BCAS4: variants seen among roughly 807,000 people sequenced by gnomAD.
The protein encoded by BCAS4 is breast carcinoma-amplified sequence 4.
A neutral mutation model predicts 15.7 loss-of-function variants in BCAS4; 9 were observed. That is an observed-to-expected ratio of 0.57 (90% confidence interval 0.34 to 1.00). BCAS4 has a LOEUF of 1.00. Ranked by LOEUF, BCAS4 falls within the 50% of genes least tolerant of loss-of-function variation. The pLI, the probability that BCAS4 is intolerant of heterozygous loss-of-function variation, is 0.02. For synonymous variants in BCAS4, 101 were observed against 99.5 expected (o/e 1.02, Z -0.09); for missense variants, 225 against 239.1 (o/e 0.94, Z 0.39).
intron 1 of BCAS4, among the ~76,000 whole-genome samples, chr20:50,797,699 CTT>C (rs1299660205): frequency 6.6e-6 from 1 of 152,052 alleles, no homozygotes; most frequent in Non-Finnish European, 1.5e-5. Flanking sequence ...GAGTTTCACT[CTT>C]GTTGCCCAGG....
rs2088138172 is a variant in BCAS4 at position 50,816,409 on chromosome 20, C to G, written c.91-1802C>G. On this transcript the variant is annotated intron_variant, in intron 1 of 4. Transcript: ENST00000371608. ...AGGCCCTCTGCACGTTCGTTATTGGCTTAATTTGTGAAGCATTAAAGGGTT... is the reference window on the plus strand; with the variant it reads ...AGGCCCTCTGCACGTTCGTTATTGGGTTAATTTGTGAAGCATTAAAGGGTT... 2.0e-5 allele frequency among the ~76,000 whole-genome samples: 3 copies of G among 152,228 alleles called. No homozygotes were observed. In the South Asian group the frequency reaches 6.2e-4, roughly 32 times the overall value.
chr20:50,836,413 C>G (rs1165362503), intron 3 of BCAS4, among the ~76,000 whole-genome samples: 1 of 152,170 alleles, frequency 6.6e-6, no homozygotes, highest in Non-Finnish European at 1.5e-5. Flanking sequence ...AGGAATGTGC[C>G]ATCTACCCCT....
At chr20:50,831,579 T>C (rs6020782) in intron 3 of BCAS4, among the ~76,000 whole-genome samples, 13,093 of 152,140 alleles carry the variant, frequency 0.086, 928 homozygotes, top group African/African-American at 0.19. Flanking sequence ...TTCCTCCTTG[T>C]TGCACTGCAG....
intron 1 of BCAS4, among the ~76,000 whole-genome samples, chr20:50,798,851 G>C (rs975191500): frequency 6.6e-6 from 1 of 152,192 alleles, no homozygotes; most frequent in African/African-American, 2.4e-5. Flanking sequence ...ATTGTGTCAC[G>C]GCAGTGACCT....
At chr20:50,881,084 T>G (rs926648216), downstream of BCAS4, 1 of 151,894 alleles carries the variant, frequency 6.6e-6, no homozygotes, top group African/African-American at 2.4e-5. Flanking sequence ...AATAGAAAAA[T>G]TAGCCAGGCA....
chr20:50,846,162 A>G (rs547997912), intron 4 of BCAS4, among the ~76,000 whole-genome samples: 1 of 152,382 alleles, frequency 6.6e-6, no homozygotes, highest in Non-Finnish European at 1.5e-5. Flanking sequence ...TCATGGCACA[A>G]AAGTCCACAT....
At chr20:50,849,115 T>C (rs2088580664) in intron 4 of BCAS4, among the ~76,000 whole-genome samples, 2 of 152,272 alleles carry the variant, frequency 1.3e-5, no homozygotes, top group African/African-American at 4.8e-5. Context: ...CCGGCCCTCC[T>C]CCTGGCTCAC....
chr20:50,880,873 A>G (rs1317240847), downstream of BCAS4: 1 of 152,190 alleles, frequency 6.6e-6, no homozygotes, highest in Non-Finnish European at 1.5e-5. Flanking sequence ...AACTTCTGGA[A>G]AAAATAGAGC....
chr20:50,828,608 C>T (rs2088306485), intron 2 of BCAS4, among the ~76,000 whole-genome samples: 2 of 152,084 alleles, frequency 1.3e-5, no homozygotes, highest in South Asian at 4.1e-4. Flanking sequence ...GGTGAAACCC[C>T]GTCTCTACTA....
chr20:50,828,870 G>A (rs74617681), intron 2 of BCAS4, among the ~76,000 whole-genome samples: 1,976 of 152,206 alleles, frequency 0.013, 39 homozygotes, highest in African/African-American at 0.039. Flanking sequence ...GTGAGACCAC[G>A]GGGGGCACAT....
At chr20:50,856,899 A>G (rs1415934098) in intron 4 of BCAS4, among the ~76,000 whole-genome samples, 1 of 152,092 alleles carries the variant, frequency 6.6e-6, no homozygotes, top group Non-Finnish European at 1.5e-5. Flanking sequence ...GGCACTTGTA[A>G]TTTTCAAGCC....
At position 50,876,569 on chromosome 20, in the gene BCAS4, A is replaced by G. The variant is rs145592122; in HGVS notation, c.483A>G (p.Glu161=). The stretch of plus-strand genomic sequence containing the variant: ...ACTATTTTCCTGTGGACGCCGGGGA[A>G]GCACAGCACCACCCCCGCACCTGCC... ...TEDYFPVDAG[E]AQHHPRTCPR... The change falls in exon 5 of 5, where the codon GAA becomes GAG. Residue 161 remains glutamate (E), a synonymous_variant. Coordinates refer to ENST00000371608, the MANE Select transcript of BCAS4 (RefSeq NM_198799.4). 3.7e-6 allele frequency: 6 copies of G among 1,613,942 alleles called. No homozygotes were observed. The African/African-American group carries it at 4.0e-5, about 11-fold the overall frequency.
chr20:50,875,195 C>T (rs1979860710), intron 4 of BCAS4, among the ~76,000 whole-genome samples: 1 of 152,204 alleles, frequency 6.6e-6, no homozygotes, highest in African/African-American at 2.4e-5. Flanking sequence ...CATAAAACTC[C>T]CAGGAGATTC....
At chr20:50,855,475 G>C (rs930292015) in intron 4 of BCAS4, among the ~76,000 whole-genome samples, 5 of 151,842 alleles carry the variant, frequency 3.3e-5, no homozygotes, top group Non-Finnish European at 7.4e-5. Flanking sequence ...TGTGCCCCCT[G>C]TCCCCCAGGC....
intron 1 of BCAS4, among the ~76,000 whole-genome samples, chr20:50,796,485 ATATTTTTTTTTTTTT>A (rs1316564038): frequency 9.7e-5 from 1 of 10,312 alleles, no homozygotes; most frequent in African/African-American, 4.0e-4. Context: ...ATATATATAT[ATATTTTTTTTTTTTT>A]TTTTTTTTTT....
At chr20:50,818,132 TAA>T (rs5841815) in intron 1 of BCAS4, 77 bp from the exon 2 acceptor site, 23,186 of 1,166,692 alleles carry the variant, frequency 0.02, no homozygotes, top group African/African-American at 0.03. Flanking sequence ...TAGTTTGCTT[TAA>T]AAAAAAAAAA....
At chr20:50,863,830 G>A (rs573984845) in intron 4 of BCAS4, among the ~76,000 whole-genome samples, 4 of 152,294 alleles carry the variant, frequency 2.6e-5, no homozygotes, top group South Asian at 4.1e-4. Flanking sequence ...TGAACCCAGC[G>A]AGGCCACTGG....
At chr20:50,801,737 G>A (rs1184552311) in intron 1 of BCAS4, among the ~76,000 whole-genome samples, 1 of 152,170 alleles carries the variant, frequency 6.6e-6, no homozygotes. Context: ...TGTTGCAGGT[G>A]GGGAGGAAGC....
At chr20:50,844,476 T>G (rs1242906733) in intron 4 of BCAS4, among the ~76,000 whole-genome samples, 1 of 151,958 alleles carries the variant, frequency 6.6e-6, no homozygotes, top group African/African-American at 2.4e-5. Flanking sequence ...TTAAGACACA[T>G]GGGGGGCAGA....
Sources: allele counts gnomAD v4.1 joint callset (sites outside exome capture counted in the v4.1 genomes callset), GRCh38; gene constraint gnomAD v4.1.1; transcripts MANE v1.5; gene names NCBI Gene and HGNC (gene_info 2026-07-23, HGNC 2026-07-21).